TMEM178A: variants seen among roughly 807,000 people sequenced by gnomAD.
TMEM178A encodes transmembrane protein 178A.
In TMEM178A, 12 loss-of-function variants were observed where a neutral mutation model predicts 29.1. The ratio of observed to expected loss-of-function variants is 0.41; its 90% CI spans 0.26 to 0.67. The LOEUF is 0.67. Ranked by LOEUF, TMEM178A falls within the 30% of genes least tolerant of loss-of-function variation. The probability of loss-of-function intolerance (pLI) is 0.29; values close to 1 mark genes in which losing one functional copy is unlikely to be tolerated. For synonymous variants in TMEM178A, 210 were observed against 187.2 expected (o/e 1.12, Z -0.99); for missense variants, 366 against 419.1 (o/e 0.87, Z 1.11).
intron 1 of TMEM178A, among the ~76,000 whole-genome samples, chr2:39,693,852 A>T (rs1671427963): frequency 6.6e-6 from 1 of 152,116 alleles, no homozygotes; most frequent in Non-Finnish European, 1.5e-5. Flanking sequence ...ATTAAAGGAG[A>T]TTTAAAAATC....
At chr2:39,696,218 TC>T (rs928864873) in intron 1 of TMEM178A, among the ~76,000 whole-genome samples, 4 of 152,142 alleles carry the variant, frequency 2.6e-5, no homozygotes, top group Non-Finnish European at 5.9e-5. Context: ...GGAGTCTTGT[TC>T]TAAAGTGGCG....
downstream of TMEM178A, among the ~76,000 whole-genome samples, chr2:39,719,061 C>T (rs933979028): frequency 8.5e-5 from 13 of 152,158 alleles, no homozygotes; most frequent in South Asian, 2.1e-4. Context: ...AGGATGCCGG[C>T]GACCACACCA....
chr2:39,677,153 C>T (rs752351461), intron 1 of TMEM178A, among the ~76,000 whole-genome samples: 15 of 152,148 alleles, frequency 9.9e-5, no homozygotes, highest in Non-Finnish European at 1.5e-4. Flanking sequence ...TCCTCACTCT[C>T]GTCCCCATTC....
At chr2:39,704,232 G>A in intron 2 of TMEM178A, 38 bp downstream of exon 2, 1 of 1,573,594 alleles carries the variant, frequency 6.4e-7, no homozygotes, top group African/African-American at 1.3e-5. Context: ...AGGAAATGGT[G>A]TCATTCTGAA....
At chr2:39,710,878 G>C (rs1446846985) in intron 3 of TMEM178A, among the ~76,000 whole-genome samples, 2 of 152,186 alleles carry the variant, frequency 1.3e-5, no homozygotes, top group African/African-American at 4.8e-5. Flanking sequence ...GTGACAGGTT[G>C]GCTGGTTAAA....
chr2:39,678,190 C>T (rs1329965045), intron 1 of TMEM178A, among the ~76,000 whole-genome samples: 1 of 152,122 alleles, frequency 6.6e-6, no homozygotes, highest in East Asian at 1.9e-4. Flanking sequence ...ATAAGTTAAA[C>T]ATAGAAGAAC....
intron 1 of TMEM178A, among the ~76,000 whole-genome samples, chr2:39,667,881 T>C (rs1157768037): frequency 6.6e-6 from 1 of 152,222 alleles, no homozygotes; most frequent in East Asian, 1.9e-4. Flanking sequence ...GCATAGTACA[T>C]GAACAAACTG....
chr2:39,716,947 G>T (rs1342682957), intron 3 of TMEM178A, 63 bp from the exon 4 acceptor site: 3 of 1,550,574 alleles, frequency 1.9e-6, no homozygotes, highest in African/African-American at 1.4e-5. Context: ...AGGCCTGTCT[G>T]GCATTTGTCT....
chr2:39,669,940 CAT>C (rs1304323127), intron 1 of TMEM178A, among the ~76,000 whole-genome samples: 2 of 152,178 alleles, frequency 1.3e-5, no homozygotes, highest in African/African-American at 4.8e-5. Flanking sequence ...TTTGGCTAAA[CAT>C]GTGGGGGTTC....
chr2:39,680,625 T>C (rs1163099086), intron 1 of TMEM178A, among the ~76,000 whole-genome samples: 1 of 152,222 alleles, frequency 6.6e-6, no homozygotes, highest in Non-Finnish European at 1.5e-5. Context: ...TTAGAGTTCA[T>C]AGTAGAGAAT....
chr2:39,701,028 A>G lies in TMEM178A; in HGVS notation c.401-3053A>G, dbSNP rs766483145. Among the ~76,000 whole-genome samples the G allele has an allele frequency of 2.6e-4, 40 of 152,132 alleles. 1 individual carries two copies. The highest frequency in any genetic ancestry group is 5.1e-4 in the Non-Finnish European group (35 of 67,990). On this transcript the variant is annotated intron_variant, in intron 1 of 3. Coordinates refer to ENST00000281961, the MANE Select transcript of TMEM178A (RefSeq NM_152390.3). Reference sequence around the variant, plus strand: ...ATGTTTATACACTGTATGCTGATCAACAGAGATTTATAATTGTTGCTTTAT... The same window carrying G: ...ATGTTTATACACTGTATGCTGATCAGCAGAGATTTATAATTGTTGCTTTAT...
At position 39,692,790 on chromosome 2, in the gene TMEM178A, C is replaced by T. The variant is rs114076925; in HGVS notation, c.401-11291C>T. On this transcript the variant is annotated intron_variant, in intron 1 of 3. Coordinates refer to ENST00000281961, the MANE Select transcript of TMEM178A (RefSeq NM_152390.3). ...CCTATTTCACAAATGAAAAAATATA[C>T]GCTCAGAGTAGTCAAGTTGATTGCT... Among the ~76,000 whole-genome samples the T allele has an allele frequency of 8.3e-3, 1,268 of 152,254 alleles. 24 individuals carry two copies. Among genetic ancestry groups the T allele is most frequent in the African/African-American group, 0.029 (1,201 of 41,550 alleles).
Position 39,717,112 on chromosome 2 carries a change from A to G in TMEM178A, c.755A>G (p.His252Arg), listed in dbSNP as rs1026905950. Reference protein sequence around the residue: ...LIYSLPADVEHGYSWSIFCAW... With the variant: ...LIYSLPADVERGYSWSIFCAW... ...TATAGCCTGCCTGCTGATGTGGAAC[A>G]TGGTTACAGCTGGTCCATCTTTTGC... is the stretch of plus-strand genomic sequence containing the variant. The change falls in exon 4 of 4, where the codon CAT becomes CGT. Residue 252 changes from histidine to arginine, a missense_variant. This residue lies in a region of TMEM178A where 119 missense variants were observed against 172.2 expected (regional missense o/e 0.69). Transcript: ENST00000281961. 6.2e-7 allele frequency: 1 copy of G among 1,612,678 alleles called. No individual in the cohort carries two copies.
rs1360762032 is a variant in TMEM178A at position 39,717,512 on chromosome 2, A to T, written c.*261A>T. 1 of 349,482 alleles carries T rather than the reference A, an allele frequency of 2.9e-6. No individual in the cohort carries two copies. Among genetic ancestry groups the T allele is most frequent in the East Asian group, 4.6e-5 (1 of 21,588 alleles). 21.6% of individuals were successfully genotyped at this position (349,482 alleles called of 1,614,324 possible). ...CATGGGACATTTCTAGGTGTAGAGA[A>T]AGAAGAAACTGCAATGGAAAAATTT... On this transcript the variant is annotated 3_prime_UTR_variant, in exon 4 of 4. Transcript: ENST00000281961.
intron 3 of TMEM178A, among the ~76,000 whole-genome samples, chr2:39,710,198 AACCACC>A (rs949853840): frequency 9.8e-4 from 150 of 152,300 alleles, no homozygotes; most frequent in Admixed American, 5.8e-3. Context: ...CCACAACAGA[AACCACC>A]ACCACCACCA....
the TMEM178A span, among the ~76,000 whole-genome samples, chr2:39,734,877 C>T: frequency 6.6e-6 from 1 of 152,164 alleles, no homozygotes. Flanking sequence ...CACATCAGTA[C>T]ATCCTTCTGG....
At chr2:39,731,857 C>T in the TMEM178A span, among the ~76,000 whole-genome samples, 1 of 152,192 alleles carries the variant, frequency 6.6e-6, no homozygotes, top group East Asian at 1.9e-4. Context: ...TATGGGGCCA[C>T]TGAGCAAGCA....
intron 1 of TMEM178A, 69 bp from the exon 2 acceptor site, chr2:39,704,012 C>G: frequency 7.4e-7 from 1 of 1,351,074 alleles, no homozygotes; most frequent in Non-Finnish European, 1.0e-6. Flanking sequence ...TTACGGTATT[C>G]TGCCTCAGGT....
At chr2:39,705,814 A>T (rs1466643558) in intron 2 of TMEM178A, among the ~76,000 whole-genome samples, 1 of 152,176 alleles carries the variant, frequency 6.6e-6, no homozygotes, top group Non-Finnish European at 1.5e-5. Flanking sequence ...CACTTCGAAC[A>T]GTGTGATCTG....
Sources: gnomAD v4.1 joint callset for allele counts (sites outside exome capture counted in the v4.1 genomes callset) on GRCh38, gnomAD v4.1.1 for gene constraint, gnomAD v4.1.1 regional missense constraint, MANE v1.5 for transcripts, NCBI Gene and HGNC (gene_info 2026-07-23, HGNC 2026-07-21) for gene names.